Variants in LAIR1 observed in about 807,000 individuals in gnomAD.
LAIR1 encodes the protein leukocyte associated immunoglobulin like receptor 1.
LAIR1 carries 24 observed loss-of-function variants against 32.8 expected under a neutral mutation model. The ratio of observed to expected loss-of-function variants is 0.73; its 90% CI spans 0.53 to 1.03. LAIR1 has a LOEUF of 1.03. LAIR1 is among the 50% of genes least tolerant of loss of function. The pLI, the probability that LAIR1 is intolerant of heterozygous loss-of-function variation, is 0.00. For missense variants in LAIR1, 355 were observed against 347.5 expected (o/e 1.02, Z -0.17); for synonymous variants, 150 against 140.5 (o/e 1.07, Z -0.48).
upstream of LAIR1, among the ~76,000 whole-genome samples, chr19:54,369,160 A>G (rs1418536314): frequency 6.6e-6 from 1 of 151,364 alleles, no homozygotes; most frequent in Non-Finnish European, 1.5e-5. Flanking sequence ...CACTGGTACA[A>G]TAATTAACTG....
upstream of LAIR1, among the ~76,000 whole-genome samples, chr19:54,370,711 G>T (rs1228336320): frequency 2.6e-5 from 4 of 151,254 alleles, no homozygotes; most frequent in Non-Finnish European, 4.4e-5. Context: ...ACCCAGGATG[G>T]GGCTGAGGAA....
Position 54,356,575 on chromosome 19 carries a change from G to T in LAIR1, c.499C>A (p.Leu167Ile), listed in dbSNP as rs762395608. The T allele has an allele frequency of 2.5e-6, 4 of 1,613,952 alleles. No homozygotes were observed. Among genetic ancestry groups the T allele is most frequent in the Non-Finnish European group, 3.4e-6 (4 of 1,180,004 alleles). The part of the protein sequence containing the change: ...QGLKAEHLYI[L>I]IGVSVVFLFC... ...AGGAAGACCACTGAGACCCCGATGAGAATATACAGATGCTCAGCTTTCAGG... is the reference window on the plus strand; with the variant it reads ...AGGAAGACCACTGAGACCCCGATGATAATATACAGATGCTCAGCTTTCAGG... The change falls in exon 6 of 10, where the codon CTC becomes ATC. Residue 167 changes from leucine to isoleucine, a missense_variant. Coordinates refer to ENST00000391742, the MANE Select transcript of LAIR1 (RefSeq NM_002287.6).
chr19:54,356,393 G>A lies in LAIR1; in HGVS notation c.589C>T (p.Pro197Ser), dbSNP rs1377213969. 1 of 1,592,498 alleles carries A rather than the reference G, an allele frequency of 6.3e-7. No homozygotes were observed. Among genetic ancestry groups the A allele is most frequent in the Non-Finnish European group, 8.5e-7 (1 of 1,169,754 alleles). ...TTCTGCTCCTCGTCCTTGCTTCTGG[G>A]GGGCCCTAAGGACAGTCGGGGTGTG... is the stretch of plus-strand genomic sequence containing the variant. ...HRQNQIKQGPPRSKDEEQKPQ... is the reference protein window; with the variant it reads ...HRQNQIKQGPSRSKDEEQKPQ... The change falls in exon 7 of 10, where the codon CCC (proline) becomes TCC (serine). Residue 197 changes from proline (P) to serine (S), a missense_variant. By Grantham distance (74) the Pro-to-Ser change is moderately conservative (BLOSUM62 -1). Coordinates refer to ENST00000391742, the MANE Select transcript of LAIR1 (RefSeq NM_002287.6).
chr19:54,355,301 C>T lies in LAIR1; in HGVS notation c.831G>A (p.Glu277=). The change falls in exon 10 of 10, where the codon GAG becomes GAA. Residue 277 remains glutamate, a synonymous_variant. Transcript: ENST00000391742. The surrounding 1 kb of genome is among the most constrained non-coding windows in gnomAD (Gnocchi z 4.7). ...VSPQSTKPMA[E]SITYAAVARH is the part of the protein sequence containing the mutation. The stretch of plus-strand genomic sequence containing the variant: ...TGGCAACGGCTGCATACGTGATGGA[C>T]TCGGCCATGGGCTTTGTGGACTGTG... The T allele has an allele frequency of 6.2e-7, 1 of 1,612,074 alleles. No individual in the cohort carries two copies. The highest frequency in any genetic ancestry group is 8.5e-7 in the Non-Finnish European group (1 of 1,178,948).
upstream of LAIR1, chr19:54,370,613 C>T: frequency 3.8e-6 from 1 of 263,686 alleles, no homozygotes; most frequent in Non-Finnish European, 7.1e-6. Context: ...TGCCAGGTGC[C>T]AGCATCACAG....
chr19:54,363,791 G>A (rs922346605), intron 2 of LAIR1, among the ~76,000 whole-genome samples: 4 of 152,194 alleles, frequency 2.6e-5, no homozygotes, highest in African/African-American at 9.6e-5. Flanking sequence ...ATTGGAGGCT[G>A]CAGGTGCGGG....
At chr19:54,372,230 T>C (rs1197545586), upstream of LAIR1, among the ~76,000 whole-genome samples, 1 of 151,644 alleles carries the variant, frequency 6.6e-6, no homozygotes, top group African/African-American at 2.4e-5. Flanking sequence ...GCTGTACCAT[T>C]TGGCAATCCC....
At chr19:54,360,359 A>G (rs1271286821) in intron 3 of LAIR1, among the ~76,000 whole-genome samples, 2 of 134,108 alleles carry the variant, frequency 1.5e-5, no homozygotes, top group African/African-American at 2.7e-5. Context: ...GATCCTCTCC[A>G]GTGGACTTTG....
upstream of LAIR1, among the ~76,000 whole-genome samples, chr19:54,368,936 C>T (rs2082337008): frequency 6.6e-6 from 1 of 151,180 alleles, no homozygotes; most frequent in Admixed American, 6.6e-5. Context: ...ATCCGCCCAC[C>T]TTGGCATCCC....
rs765837252 is a variant in LAIR1 at position 54,364,831 on chromosome 19, G to C, written c.-27C>G. The C allele has an allele frequency of 6.2e-7, 1 of 1,614,054 alleles. No homozygotes were observed. The highest frequency in any genetic ancestry group is 8.5e-7 in the Non-Finnish European group (1 of 1,179,944). On this transcript the variant is annotated 5_prime_UTR_variant, in exon 1 of 10. Coordinates refer to ENST00000391742, the MANE Select transcript of LAIR1 (RefSeq NM_002287.6). This position sits in a 1 kb window ranked among gnomAD's most constrained non-coding sequence, Gnocchi z 4.8. Reference sequence around the variant, plus strand: ...GCCCAGGTCCCAGCAGTGCAGCCTGGCCTGAGGCGCACCAATGCAAGGACA... The same window carrying C: ...GCCCAGGTCCCAGCAGTGCAGCCTGCCCTGAGGCGCACCAATGCAAGGACA...
At chr19:54,359,850 GC>G (rs1223016850) in intron 4 of LAIR1, 171 bp downstream of exon 4, 7 of 646,164 alleles carry the variant, frequency 1.1e-5, no homozygotes, top group Non-Finnish European at 1.6e-5. Context: ...TACCATTGCT[GC>G]TATGGTCTCT....
upstream of LAIR1, among the ~76,000 whole-genome samples, chr19:54,366,893 A>C (rs543100050): frequency 3.3e-5 from 5 of 152,314 alleles, no homozygotes; most frequent in East Asian, 5.8e-4. Context: ...GGTAGAGTTT[A>C]TATTTAAAAG....
At position 54,355,405 on chromosome 19, in the gene LAIR1, C is replaced by T. The variant is rs759315445; in HGVS notation, c.727G>A (p.Ala243Thr). ...TACGTCACCTCCTGGGAACTCCCTG[C>T]AGCCAGGGCCTAAGAGGGAGAGACC... The part of the protein sequence containing the change: ...DRETDTSALA[A>T]GSSQEVTYAQ... Residue 243 changes from alanine (A) to threonine (T), a missense_variant, in exon 10 of 10, where the codon GCA becomes ACA. By Grantham distance (58) the Ala-to-Thr change is moderately conservative. Transcript: ENST00000391742. This position sits in a 1 kb window ranked among gnomAD's most constrained non-coding sequence, Gnocchi z 4.7. 6.2e-7 allele frequency: 1 copy of T among 1,605,040 alleles called. No homozygotes were observed. The highest frequency in any genetic ancestry group is 8.5e-7 in the Non-Finnish European group (1 of 1,175,412).
intron 8 of LAIR1, 78 bp downstream of exon 8, chr19:54,356,145 TCCCCCCA>T: frequency 1.4e-6 from 2 of 1,403,888 alleles, no homozygotes; most frequent in Non-Finnish European, 2.0e-6. Context: ...CAAAGATTCT[TCCCCCCA>T]CCCCCCACAT....
upstream of LAIR1, among the ~76,000 whole-genome samples, chr19:54,369,564 C>T (rs1435457992): frequency 3.3e-5 from 5 of 151,606 alleles, no homozygotes; most frequent in East Asian, 9.6e-4. Flanking sequence ...AGACTCTCCT[C>T]CAAGCTGGAG....
chr19:54,356,733 T>C (rs1339883954), intron 5 of LAIR1, 114 bp from the exon 6 acceptor site: 1 of 1,225,188 alleles, frequency 8.2e-7, no homozygotes, highest in Non-Finnish European at 1.2e-6. Context: ...ATATCTTAGG[T>C]AAATAATAGT....
chr19:54,364,066 A>G lies in LAIR1; in HGVS notation c.70+229T>C, dbSNP rs1381355088. 6.6e-6 allele frequency among the ~76,000 whole-genome samples: 1 copy of G among 152,098 alleles called. No individual in the cohort carries two copies. The highest frequency in any genetic ancestry group is 1.5e-5 in the Non-Finnish European group (1 of 68,038). On this transcript the variant is annotated intron_variant, in intron 2 of 9. Transcript: ENST00000391742. This position sits in a 1 kb window ranked among gnomAD's most constrained non-coding sequence, Gnocchi z 4.8. Reference sequence around the variant, plus strand: ...CCCCGCAAATTGCAATTATTTGTCAATTAAAAATAAAATTTTTGAAAATAA... The same window carrying G: ...CCCCGCAAATTGCAATTATTTGTCAGTTAAAAATAAAATTTTTGAAAATAA...
intron 3 of LAIR1, among the ~76,000 whole-genome samples, chr19:54,360,333 A>C (rs2081952051): frequency 1.8e-5 from 2 of 113,970 alleles, no homozygotes; most frequent in Admixed American, 9.1e-5. Context: ...TCCTGGAGGG[A>C]CATGAAGATG....
At chr19:54,359,646 GGGGT>G (rs2081912490) in intron 4 of LAIR1, among the ~76,000 whole-genome samples, 1 of 152,276 alleles carries the variant, frequency 6.6e-6, no homozygotes, top group South Asian at 2.1e-4. Flanking sequence ...CCGGAAGTCT[GGGGT>G]GGGGCTGCCC....
Sources: gnomAD v4.1 joint callset for allele counts (sites outside exome capture counted in the v4.1 genomes callset) on GRCh38, gnomAD v4.1.1 for gene constraint, Gnocchi (gnomAD v3.1) non-coding constraint, MANE v1.5 for transcripts, NCBI Gene and HGNC (gene_info 2026-07-23, HGNC 2026-07-21) for gene names.